Variants in SLC16A7 observed in about 807,000 individuals in gnomAD.
SLC16A7 encodes the protein solute carrier family 16 member 7, also known as monocarboxylate transporter 2.
Under a neutral mutation model 34.9 loss-of-function variants are expected in SLC16A7, and 33 were observed. That is an observed-to-expected ratio of 0.94 (90% CI 0.72 to 1.26). The LOEUF (loss-of-function observed/expected upper bound fraction) is 1.26, where lower values mean the gene tolerates loss of function less well. Ranked by LOEUF, SLC16A7 falls within the 50% of genes most tolerant of loss-of-function variation. The pLI is 0.00. For missense variants in SLC16A7, 573 were observed against 578.1 expected (o/e 0.99, Z 0.09); for synonymous variants, 201 against 206.6 (o/e 0.97, Z 0.23).
At position 59,623,509 on chromosome 12, in the gene SLC16A7, A is replaced by C. The variant is rs1298228528; in HGVS notation, c.-130+27273A>C. Reference sequence around the variant, plus strand: ...CTATATAAATTTGATATATTTTGTTATATTTTTAAGGAAAACCTATATATT... The same window carrying C: ...CTATATAAATTTGATATATTTTGTTCTATTTTTAAGGAAAACCTATATATT... On this transcript the variant is annotated intron_variant, in intron 1 of 5. Coordinates refer to ENST00000547379, the MANE Select transcript of SLC16A7 (RefSeq NM_001270623.2). Among the ~76,000 whole-genome samples the C allele has an allele frequency of 2.6e-5, 4 of 151,646 alleles. No individual in the cohort carries two copies. The East Asian group carries it at 7.8e-4, about 29-fold the overall frequency.
intron 3 of SLC16A7, among the ~76,000 whole-genome samples, chr12:59,706,588 C>T (rs1873609328): frequency 6.6e-6 from 1 of 151,996 alleles, no homozygotes; most frequent in Admixed American, 6.6e-5. Flanking sequence ...CTCCTTTGGA[C>T]AGTTGCTTTA....
chr12:59,674,194 T>G, intron 2 of SLC16A7, among the ~76,000 whole-genome samples: 1 of 152,332 alleles, frequency 6.6e-6, no homozygotes, highest in Non-Finnish European at 1.5e-5. Context: ...AATTTTCCAT[T>G]TTTAAGGATT....
chr12:59,667,314 A>G (rs1035198722), intron 2 of SLC16A7, among the ~76,000 whole-genome samples: 3 of 152,168 alleles, frequency 2.0e-5, no homozygotes, highest in Non-Finnish European at 4.4e-5. Flanking sequence ...GGAACTTCCT[A>G]GAGACTTGGA....
intron 1 of SLC16A7, among the ~76,000 whole-genome samples, chr12:59,637,793 A>G (rs1014115942): frequency 6.6e-6 from 1 of 152,166 alleles, no homozygotes; most frequent in Non-Finnish European, 1.5e-5. Context: ...TGATTAGGTC[A>G]TAAGGGCTCT....
intron 1 of SLC16A7, among the ~76,000 whole-genome samples, chr12:59,636,642 G>C (rs894743561): frequency 6.6e-6 from 1 of 152,066 alleles, no homozygotes; most frequent in African/African-American, 2.4e-5. Flanking sequence ...ATGTTTTAAA[G>C]TAGGAATTTA....
intron 1 of SLC16A7, among the ~76,000 whole-genome samples, chr12:59,601,570 CTG>C (rs1011771329): frequency 6.6e-6 from 1 of 152,186 alleles, no homozygotes; most frequent in Non-Finnish European, 1.5e-5. Flanking sequence ...TTGTGTAGGA[CTG>C]TCTCTTTCAT....
intron 1 of SLC16A7, among the ~76,000 whole-genome samples, chr12:59,613,550 C>T (rs990785291): frequency 6.6e-6 from 1 of 152,182 alleles, no homozygotes; most frequent in Non-Finnish European, 1.5e-5. Context: ...TGGAACTTTT[C>T]TTTGCAGTTG....
intron 1 of SLC16A7, among the ~76,000 whole-genome samples, chr12:59,652,754 A>G (rs1473599099): frequency 6.6e-6 from 1 of 151,756 alleles, no homozygotes; most frequent in Non-Finnish European, 1.5e-5. Context: ...GAACCTTTCT[A>G]GAAAAGTAAG....
At chr12:59,748,256 C>A (rs920512542) in intron 3 of SLC16A7, among the ~76,000 whole-genome samples, 4 of 152,114 alleles carry the variant, frequency 2.6e-5, no homozygotes, top group Non-Finnish European at 5.9e-5. Context: ...CACAGGAACC[C>A]TTACAGACGC....
chr12:59,760,749 G>A (rs1016220196), intron 3 of SLC16A7, among the ~76,000 whole-genome samples: 1 of 151,956 alleles, frequency 6.6e-6, no homozygotes, highest in Non-Finnish European at 1.5e-5. Flanking sequence ...GTTGAAGCAG[G>A]ACAACACGAG....
intron 3 of SLC16A7, among the ~76,000 whole-genome samples, chr12:59,755,989 A>G (rs1355058799): frequency 2.0e-5 from 3 of 152,202 alleles, no homozygotes; most frequent in Non-Finnish European, 4.4e-5. Flanking sequence ...CAAACCTGAC[A>G]AAAACAAGCA....
Position 59,699,813 on chromosome 12 carries a change from T to G in SLC16A7, c.-30-4959T>G, listed in dbSNP as rs534275052. On this transcript the variant is annotated intron_variant, in intron 2 of 5. Coordinates refer to ENST00000547379, the MANE Select transcript of SLC16A7 (RefSeq NM_001270623.2). ...GACATGCACAGAACAGCAAAAAAAT[T>G]TGTTATGCAACACTTACATTCCCAG... Among the ~76,000 whole-genome samples, 3 of 151,872 alleles carry G rather than the reference T, an allele frequency of 2.0e-5. No homozygotes were observed. The South Asian group carries it at 6.2e-4, about 31-fold the overall frequency.
intron 1 of SLC16A7, among the ~76,000 whole-genome samples, chr12:59,617,411 G>A (rs1213762906): frequency 1.3e-5 from 2 of 151,936 alleles, no homozygotes; most frequent in Non-Finnish European, 2.9e-5. Context: ...GAAGATTTTA[G>A]GACATTGGTA....
chr12:59,672,173 T>C (rs780947144), intron 2 of SLC16A7, among the ~76,000 whole-genome samples: 3 of 121,364 alleles, frequency 2.5e-5, no homozygotes, highest in African/African-American at 9.3e-5. Flanking sequence ...TATATATATG[T>C]GTATATATGC....
chr12:59,597,139 A>G (rs1348380944), intron 1 of SLC16A7: 1 of 150,848 alleles, frequency 6.6e-6, no homozygotes, highest in Non-Finnish European at 1.5e-5. Context: ...CTGCCTTGGA[A>G]AGGGCGGTCG....
chr12:59,647,338 G>A (rs1272837375), intron 1 of SLC16A7, among the ~76,000 whole-genome samples: 1 of 152,050 alleles, frequency 6.6e-6, no homozygotes, highest in African/African-American at 2.4e-5. Flanking sequence ...AAGTTCTTAT[G>A]AGATCTGATG....
At chr12:59,768,786 C>T (rs1196258861) in intron 3 of SLC16A7, among the ~76,000 whole-genome samples, 1 of 152,000 alleles carries the variant, frequency 6.6e-6, no homozygotes, top group Non-Finnish European at 1.5e-5. Context: ...CACTTGAGCC[C>T]AGGAATTCAA....
intron 3 of SLC16A7, among the ~76,000 whole-genome samples, chr12:59,737,794 G>A (rs903686764): frequency 2.0e-5 from 3 of 152,096 alleles, no homozygotes; most frequent in African/African-American, 7.2e-5. Context: ...GATACTTGGG[G>A]TATGGTCCTG....
At chr12:59,608,338 C>T (rs907113968) in intron 1 of SLC16A7, among the ~76,000 whole-genome samples, 1 of 152,160 alleles carries the variant, frequency 6.6e-6, no homozygotes, top group African/African-American at 2.4e-5. Flanking sequence ...AAAGCAGTGA[C>T]AGCTTCCAGA....
Sources: allele counts gnomAD v4.1 joint callset (sites outside exome capture counted in the v4.1 genomes callset), GRCh38; gene constraint gnomAD v4.1.1; transcripts MANE v1.5; gene names NCBI Gene and HGNC (gene_info 2026-07-23, HGNC 2026-07-21).